NCOR1: variants seen among roughly 807,000 people sequenced by gnomAD.
The protein encoded by NCOR1 is protein phosphatase 1, regulatory subunit 109.
NCOR1 carries 63 observed loss-of-function variants against 288.1 expected under a neutral mutation model. The observed-to-expected ratio is 0.22, with a 90% confidence interval of 0.18 to 0.27. NCOR1 has a LOEUF of 0.27. Ranked by LOEUF, NCOR1 falls within the 10% of genes least tolerant of loss-of-function variation. The pLI, the probability that NCOR1 is intolerant of heterozygous loss-of-function variation, is 1.00. For missense variants in NCOR1, 2,397 were observed against 3,019.2 expected (o/e 0.79, Z 4.83); for synonymous variants, 1,007 against 1,065.9 (o/e 0.94, Z 1.08).
rs960559601 is a variant in NCOR1, at chr17:16,030,345, T to G, written c.*1951A>C. 1.4e-5 allele frequency: 3 copies of G among 221,072 alleles called. No individual in the cohort carries two copies. The highest frequency in any genetic ancestry group is 2.2e-5 in the African/African-American group (1 of 44,632). 13.7% of individuals were successfully genotyped at this position (221,072 alleles called of 1,614,324 possible). A position where few individuals can be genotyped will look rare whatever the true frequency, so the allele number is the denominator to read the frequency against. ...TCCATGTATAAGTGGACCCACACAG[T>G]TCAAACCCGTGTTGTTCAAGGGTCA... is the stretch of plus-strand genomic sequence containing the variant. On this transcript the variant is annotated 3_prime_UTR_variant, in exon 46 of 46. Coordinates refer to ENST00000268712, the MANE Select transcript of NCOR1 (RefSeq NM_006311.4).
chr17:16,215,478 C>CCAG lies in NCOR1; in HGVS notation c.-190_-188dup. 2.5e-6 allele frequency: 1 copy of CCAG among 398,708 alleles called. No individual in the cohort carries two copies. The highest frequency in any genetic ancestry group is 4.4e-6 in the Non-Finnish European group (1 of 226,290). The allele number at this position is 398,708 out of a possible 1,614,324, so 24.7% of individuals were successfully genotyped here. A position where few individuals can be genotyped will look rare whatever the true frequency, so the allele number is the denominator to read the frequency against. ...CGGCGCGGCGAGTCGGACGCTCACT[C>CCAG]CAGCCGCCGCCGCCGCCGCGGCTGC... On this transcript the variant is annotated 5_prime_UTR_variant, in exon 1 of 46. Coordinates refer to ENST00000268712, the MANE Select transcript of NCOR1 (RefSeq NM_006311.4).
chr17:16,151,209 T>A (rs2324143), intron 8 of NCOR1, among the ~76,000 whole-genome samples: 4,505 of 148,976 alleles, frequency 0.03, 218 homozygotes, highest in African/African-American at 0.1. Flanking sequence ...AATTTTTTTT[T>A]TAAAAAAAAG....
chr17:16,197,814 T>G (rs178805), intron 1 of NCOR1, among the ~76,000 whole-genome samples: 1 of 151,636 alleles, frequency 6.6e-6, no homozygotes, highest in African/African-American at 2.4e-5. Context: ...GTGAGGAGGG[T>G]TGATCTTTTT....
intron 3 of NCOR1, among the ~76,000 whole-genome samples, chr17:16,183,894 A>G (rs1464486254): frequency 6.6e-6 from 1 of 152,200 alleles, no homozygotes; most frequent in Non-Finnish European, 1.5e-5. Flanking sequence ...AGACACACTG[A>G]TCAGTAGAAA....
At chr17:16,069,765 A>T (rs536208512) in intron 31 of NCOR1, among the ~76,000 whole-genome samples, 1 of 152,332 alleles carries the variant, frequency 6.6e-6, no homozygotes, top group South Asian at 2.1e-4. Flanking sequence ...TAAGTAACTC[A>T]TCTGAGTTGA....
chr17:16,127,107 G>A (rs62073626), intron 14 of NCOR1, among the ~76,000 whole-genome samples: 1 of 94,952 alleles, frequency 1.1e-5, no homozygotes, highest in African/African-American at 3.8e-5. Flanking sequence ...AGGTGTGTGT[G>A]TGTATATGTA....
chr17:16,126,744 A>G (rs2074121271), intron 14 of NCOR1, among the ~76,000 whole-genome samples: 1 of 152,212 alleles, frequency 6.6e-6, no homozygotes, highest in Non-Finnish European at 1.5e-5. Flanking sequence ...AATAAGGTGA[A>G]AAGAAGTAAA....
chr17:16,056,680 T>G (rs1311326135), intron 40 of NCOR1, among the ~76,000 whole-genome samples: 1 of 152,156 alleles, frequency 6.6e-6, no homozygotes, highest in East Asian at 1.9e-4. Context: ...TTTGCTAATA[T>G]TTAGTCTACC....
In NCOR1 at chr17:16,058,510, T is replaced by C; in HGVS notation, c.5971A>G (p.Thr1991Ala). 1 of 1,614,142 alleles carries C rather than the reference T, an allele frequency of 6.2e-7. No individual in the cohort carries two copies. Among genetic ancestry groups the C allele is most frequent in the Non-Finnish European group, 8.5e-7 (1 of 1,180,002 alleles). ...GCCTTAACAACCTCTGGCTGATAGG[T>C]CTGCAGTTTCTCCTGGGGTGGCGCA... ...SPAPPQEKLQ[T>A]YQPEVVKANQ... The change falls in exon 38 of 46, where the codon ACC (threonine) becomes GCC (alanine). Residue 1991 changes from threonine (T) to alanine (A), a missense_variant. Thr to Ala is a moderately conservative substitution (Grantham distance 58). Around this residue, in one of 11 missense-constraint regions of NCOR1, gnomAD observed 1,872 missense variants for 2,187.8 expected, o/e 0.86. Coordinates refer to ENST00000268712, the MANE Select transcript of NCOR1 (RefSeq NM_006311.4).
chr17:16,040,866 GT>G (rs1222368721), intron 42 of NCOR1: 1 of 196,126 alleles, frequency 5.1e-6, no homozygotes, highest in Non-Finnish European at 1.0e-5. Flanking sequence ...TCTCCCATCT[GT>G]TTACCAAAAA....
intron 1 of NCOR1, among the ~76,000 whole-genome samples, chr17:16,199,542 CCT>C: frequency 6.6e-6 from 1 of 152,244 alleles, no homozygotes; most frequent in South Asian, 2.1e-4. Context: ...CCCATCCTTC[CCT>C]CCACCCTTCA....
intron 44 of NCOR1, 179 bp downstream of exon 44, chr17:16,039,254 T>C (rs1445154874): frequency 6.5e-6 from 4 of 617,228 alleles, no homozygotes; most frequent in African/African-American, 1.8e-5. Flanking sequence ...TTATTTCTGT[T>C]CATATTATAA....
At chr17:16,172,897 A>G (rs936707698) in intron 3 of NCOR1, among the ~76,000 whole-genome samples, 1 of 152,186 alleles carries the variant, frequency 6.6e-6, no homozygotes, top group African/African-American at 2.4e-5. Flanking sequence ...TTGAAAACAG[A>G]ATTGCTGGGT....
At chr17:16,106,536 T>C (rs545256970) in intron 19 of NCOR1, among the ~76,000 whole-genome samples, 106 of 152,220 alleles carry the variant, frequency 7.0e-4, no homozygotes, top group Non-Finnish European at 1.4e-3. Flanking sequence ...TCATGAAAGA[T>C]ACTCAAACAC....
intron 30 of NCOR1, among the ~76,000 whole-genome samples, 155 bp downstream of exon 30, chr17:16,071,254 G>C (rs944198794): frequency 3.3e-5 from 5 of 151,534 alleles, no homozygotes; most frequent in Non-Finnish European, 7.4e-5. Flanking sequence ...ACTCCAGCCT[G>C]GTCCACAGAG....
chr17:16,154,029 T>A (rs958946864), intron 6 of NCOR1, among the ~76,000 whole-genome samples: 9 of 146,040 alleles, frequency 6.2e-5, no homozygotes, highest in African/African-American at 2.3e-4. Flanking sequence ...TTTTTTTTTT[T>A]TTTTTTTTTT....
intron 3 of NCOR1, among the ~76,000 whole-genome samples, chr17:16,183,813 T>A (rs937865505): frequency 6.6e-6 from 1 of 152,040 alleles, no homozygotes; most frequent in African/African-American, 2.4e-5. Flanking sequence ...CAAAGAGACA[T>A]CACACTTCCT....
In NCOR1 at chr17:16,047,003, C is replaced by T. The variant is rs2058746737; in HGVS notation, c.6627G>A (p.Lys2209=). 2.5e-6 allele frequency: 4 copies of T among 1,614,054 alleles called. No homozygotes were observed. The East Asian group carries it at 8.9e-5, about 36-fold the overall frequency. The change falls in exon 42 of 46, where the codon AAG becomes AAA. Residue 2209 remains lysine, a synonymous_variant. Transcript: ENST00000268712. ...AGTTCAACTTACGAAAAATCTCCTG[C>T]TTCTTTGATTTAACCATGGGTGATG... ...ENTSPMVKSK[K]QEIFRKLNSS...
Position 16,095,298 on chromosome 17 carries a change from C to T in NCOR1, c.2820+3069G>A, listed in dbSNP as rs1436320467. ...GAGGAGCGTCTCTGCCCGGCCGCCC[C>T]GTCTGAGAAGTGAGGAGACCCTCTG... On this transcript the variant is annotated intron_variant, in intron 21 of 45. Transcript: ENST00000268712. Among the ~76,000 whole-genome samples the T allele has an allele frequency of 1.9e-4, 28 of 150,580 alleles. No homozygotes were observed. The South Asian group carries it at 4.4e-3, about 24-fold the overall frequency.
Sources: allele counts gnomAD v4.1 joint callset (sites outside exome capture counted in the v4.1 genomes callset), GRCh38; gene constraint gnomAD v4.1.1; regional missense constraint gnomAD v4.1.1; transcripts MANE v1.5; gene names NCBI Gene and HGNC (gene_info 2026-07-23, HGNC 2026-07-21).